The following LYST variants were observed in gnomAD, a reference collection of about 807,000 sequenced individuals.
LYST encodes lysosomal trafficking regulator.
Under a neutral mutation model 413.6 loss-of-function variants are expected in LYST, and 192 were observed. The observed-to-expected ratio is 0.46, with a 90% CI of 0.41 to 0.52. The LOEUF is 0.52. Ranked by LOEUF, LYST falls within the 20% of genes least tolerant of loss-of-function variation. The probability of loss-of-function intolerance (pLI) is 0.00; values close to 1 mark genes in which losing one functional copy is unlikely to be tolerated. For synonymous variants in LYST, 1,525 were observed against 1,567.3 expected (o/e 0.97, Z 0.64); for missense variants, 3,815 against 4,499.9 (o/e 0.85, Z 4.35).
chr1:235,741,556 T>A lies in LYST; in HGVS notation c.8224A>T (p.Met2742Leu). ...TGCACTAGTAGTCTCCCAAGCTGCATTCGGAAGGTCTCCTTACAAGACCAC... is the reference window on the plus strand; with the variant it reads ...TGCACTAGTAGTCTCCCAAGCTGCAATCGGAAGGTCTCCTTACAAGACCAC... The part of the protein sequence containing the change: ...ILWSCKETFR[M>L]QLGRLLVHIL... Residue 2742 changes from methionine (M) to leucine (L), a missense_variant, in exon 31 of 53, where the codon ATG becomes TTG. Met to Leu is a conservative substitution (Grantham distance 15). Transcript: ENST00000389793. 3 of 1,614,154 alleles carry A rather than the reference T, an allele frequency of 1.9e-6. No individual in the cohort carries two copies. The highest frequency in any genetic ancestry group is 2.5e-6 in the Non-Finnish European group (3 of 1,179,998).
At chr1:235,706,193 C>A (rs1184148287) in intron 44 of LYST, among the ~76,000 whole-genome samples, 3 of 152,170 alleles carry the variant, frequency 2.0e-5, no homozygotes, top group Non-Finnish European at 4.4e-5. Context: ...TTAGGACACA[C>A]AACCCCAAAA....
At chr1:235,762,053 A>T (rs1385564751) in intron 22 of LYST, among the ~76,000 whole-genome samples, 2 of 151,880 alleles carry the variant, frequency 1.3e-5, no homozygotes, top group Non-Finnish European at 2.9e-5. Context: ...CAGCACACCA[A>T]CATGGCATAT....
chr1:235,722,655 T>G (rs1330271470), intron 39 of LYST, among the ~76,000 whole-genome samples: 1 of 152,076 alleles, frequency 6.6e-6, no homozygotes, highest in Non-Finnish European at 1.5e-5. Context: ...CCCGCTAATT[T>G]TTGTATTTTT....
Position 235,770,390 on chromosome 1 carries a change from T to G in LYST, c.5785-93A>C, listed in dbSNP as rs531279890. The G allele has an allele frequency of 2.1e-5, 23 of 1,081,768 alleles. No individual in the cohort carries two copies. In the African/African-American group the frequency reaches 3.3e-4, roughly 15 times the overall value. The allele number at this position is 1,081,768 out of a possible 1,614,324, so 67.0% of individuals were successfully genotyped here. ...ACACACAACGCGCAACAATTTAACA[T>G]TGTGTATATATTCAGTATCAAAGAT... On this transcript the variant is annotated intron_variant, in intron 19 of 52. Transcript: ENST00000389793.
At chr1:235,715,131 A>T in intron 42 of LYST, 70 bp downstream of exon 42, 1 of 1,176,628 alleles carries the variant, frequency 8.5e-7, no homozygotes, top group Non-Finnish European at 1.3e-6. Context: ...GTCAGTCCTA[A>T]GTTGTTGTTG....
rs187342486 is a variant in LYST at position 235,697,066 on chromosome 1, G to A, written c.10564+17C>T. The stretch of plus-strand genomic sequence containing the variant: ...GAAAGATATATCCAGAATGATCTTC[G>A]TTACATTTTATTTTACCTTGTTCCT... On this transcript the variant is annotated intron_variant, in intron 46 of 52. Transcript: ENST00000389793. 7.5e-5 allele frequency: 120 copies of A among 1,607,130 alleles called. No homozygotes were observed. The highest frequency in any genetic ancestry group is 7.3e-4 in the Admixed American group (44 of 60,010).
chr1:235,685,398 C>T (rs1476369841), intron 48 of LYST, among the ~76,000 whole-genome samples: 2 of 152,220 alleles, frequency 1.3e-5, no homozygotes, highest in East Asian at 3.9e-4. Context: ...ACAGTGGTCT[C>T]CCTAAAATGC....
intron 1 of LYST, among the ~76,000 whole-genome samples, chr1:235,840,888 G>A (rs1241317895): frequency 6.6e-6 from 1 of 152,178 alleles, no homozygotes; most frequent in African/African-American, 2.4e-5. Flanking sequence ...CAATTTTGGT[G>A]ATTAATTGGA....
At position 235,724,091 on chromosome 1, in the gene LYST, A is replaced by C. The variant is rs376276274; in HGVS notation, c.9252T>G (p.Asp3084Glu). The C allele has an allele frequency of 8.7e-6, 14 of 1,613,472 alleles. No homozygotes were observed. The highest frequency in any genetic ancestry group is 1.3e-5 in the African/African-American group (1 of 74,934). ...EVHKRWWQLR[D>E]NAVEIFLTNG... The stretch of plus-strand genomic sequence containing the variant: ...TTGTTAGAAAGATTTCTACAGCATT[A>C]TCTCTCAATTGCCACCAACGCTTGT... The change falls in exon 39 of 53, where the codon GAT becomes GAG. Residue 3084 changes from aspartate to glutamate, a missense_variant. Physicochemically the swap from Asp to Glu is conservative, Grantham distance 45. Transcript: ENST00000389793.
chr1:235,677,694 C>T, intron 48 of LYST, 75 bp from the exon 49 acceptor site: 1 of 1,119,122 alleles, frequency 8.9e-7, no homozygotes. Flanking sequence ...AAAAATAAAA[C>T]AACCAAAGTG....
chr1:235,662,166 G>A lies in LYST; in HGVS notation c.*774C>T, dbSNP rs1365023198. ...ATAGCAGACTTTAAGACTTACCATT[G>A]TGTTTAAACCTCAGTGACTCAACTA... On this transcript the variant is annotated 3_prime_UTR_variant, in exon 53 of 53. Transcript: ENST00000389793. The A allele has an allele frequency of 6.6e-6, 1 of 152,280 alleles. No homozygotes were observed. The highest frequency in any genetic ancestry group is 1.9e-4 in the East Asian group (1 of 5,198). 9.4% of individuals were successfully genotyped at this position (152,280 alleles called of 1,614,324 possible).
Position 235,762,030 on chromosome 1 carries a change from G to A in LYST, c.6253+690C>T, listed in dbSNP as rs1456168516. Among the ~76,000 whole-genome samples the A allele has an allele frequency of 8.6e-5, 13 of 150,704 alleles. No homozygotes were observed. The East Asian group carries it at 9.9e-4, about 11-fold the overall frequency. On this transcript the variant is annotated intron_variant, in intron 22 of 52. Transcript: ENST00000389793. The stretch of plus-strand genomic sequence containing the variant: ...GGAGATATGCCTAATGCTAAATGAC[G>A]AGTTAATGGGTGCAGCACACCAACA...
intron 14 of LYST, among the ~76,000 whole-genome samples, chr1:235,783,803 G>C (rs769315348): frequency 6.6e-6 from 1 of 151,906 alleles, no homozygotes; most frequent in Non-Finnish European, 1.5e-5. Context: ...ACAACTAATA[G>C]AAAGTATTAA....
chr1:235,874,618 A>G (rs1212374436), intron 1 of LYST, among the ~76,000 whole-genome samples: 1 of 152,190 alleles, frequency 6.6e-6, no homozygotes, highest in Non-Finnish European at 1.5e-5. Context: ...TTTTTTTCAT[A>G]AAGCTAATTT....
rs757722584 is a variant in LYST at position 235,773,819 on chromosome 1, G to GA, written c.5784+22dup. The GA allele has an allele frequency of 2.2e-5, 36 of 1,603,298 alleles. No individual in the cohort carries two copies. The Admixed American group carries it at 5.5e-4, about 25-fold the overall frequency. ...ATGCATTTTACCACAATAAAAAATG[G>GA]AAAAAAAGTACATATTACATGCCTC... On this transcript the variant is annotated intron_variant, in intron 19 of 52. Coordinates refer to ENST00000389793, the MANE Select transcript of LYST (RefSeq NM_000081.4).
chr1:235,710,386 G>A (rs1269290982), intron 43 of LYST, among the ~76,000 whole-genome samples: 2 of 152,088 alleles, frequency 1.3e-5, no homozygotes, highest in African/African-American at 4.8e-5. Flanking sequence ...GCAGCAGCAG[G>A]AACTTATTTA....
intron 16 of LYST, among the ~76,000 whole-genome samples, chr1:235,777,573 T>C (rs971257527): frequency 5.3e-5 from 8 of 152,222 alleles, no homozygotes; most frequent in African/African-American, 1.7e-4. Context: ...GTTTAGAATA[T>C]ATATTAAGTT....
Position 235,753,074 on chromosome 1 carries a change from G to A in LYST, c.7430C>T (p.Thr2477Ile), listed in dbSNP as rs886046175. Reference sequence around the variant, plus strand: ...TTCTAATCCATTCAGGGCTGCTACTGTATTACATAACACATAGAGTAGACC... The same window carrying A: ...TTCTAATCCATTCAGGGCTGCTACTATATTACATAACACATAGAGTAGACC... The part of the protein sequence containing the change: ...DNGLLYVLCN[T>I]VAALNGLEKN... Residue 2477 changes from threonine to isoleucine, a missense_variant, in exon 26 of 53, where the codon ACA becomes ATA. Thr to Ile is a moderately conservative substitution (Grantham distance 89). This residue lies in a region of LYST where 771 missense variants were observed against 837.1 expected (regional missense o/e 0.92). Coordinates refer to ENST00000389793, the MANE Select transcript of LYST (RefSeq NM_000081.4). 6.3e-7 allele frequency: 1 copy of A among 1,589,864 alleles called. No homozygotes were observed. Among genetic ancestry groups the A allele is most frequent in the Non-Finnish European group, 8.6e-7 (1 of 1,158,380 alleles).
Position 235,735,592 on chromosome 1 carries a change from A to C in LYST, c.8359-933T>G, listed in dbSNP as rs554291989. 3.9e-5 allele frequency: 6 copies of C among 152,264 alleles called. No homozygotes were observed. The South Asian group carries it at 1.2e-3, about 32-fold the overall frequency. The allele number at this position is 152,264 out of a possible 1,614,324, so 9.4% of individuals were successfully genotyped here. A position where few individuals can be genotyped will look rare whatever the true frequency, so the allele number is the denominator to read the frequency against. On this transcript the variant is annotated intron_variant, in intron 31 of 52. Transcript: ENST00000389793. ...GTATTATTTAGACAATAATGTTGCC[A>C]ACAAGTTAAACATATATATTTTACT... is the stretch of plus-strand genomic sequence containing the variant.
Sources: allele counts gnomAD v4.1 joint callset (sites outside exome capture counted in the v4.1 genomes callset), GRCh38; gene constraint gnomAD v4.1.1; regional missense constraint gnomAD v4.1.1; transcripts MANE v1.5; gene names NCBI Gene and HGNC (gene_info 2026-07-23, HGNC 2026-07-21).